DNAH7: variants seen among roughly 807,000 people sequenced by gnomAD.
DNAH7 encodes dynein axonemal heavy chain 7.
In DNAH7, 397 loss-of-function variants were observed where a neutral mutation model predicts 444.6. That is an observed-to-expected ratio of 0.89 (90% CI 0.82 to 0.97). The LOEUF is 0.97. DNAH7 is among the 50% of genes least tolerant of loss of function. DNAH7 has a pLI of 0.00. For synonymous variants in DNAH7, 1,636 were observed against 1,624.4 expected (o/e 1.01, Z -0.17); for missense variants, 4,902 against 4,800.8 (o/e 1.02, Z -0.62).
At chr2:195,754,248 T>C (rs1486903196) in intron 63 of DNAH7, 89 bp downstream of exon 63, 1 of 1,352,242 alleles carries the variant, frequency 7.4e-7, no homozygotes, top group African/African-American at 1.5e-5. Flanking sequence ...TGTTTATTAC[T>C]TTTTTAACAG....
At chr2:195,849,295 A>G (rs930606841) in intron 46 of DNAH7, among the ~76,000 whole-genome samples, 1 of 152,310 alleles carries the variant, frequency 6.6e-6, no homozygotes, top group South Asian at 2.1e-4. Context: ...CTTACAGTGA[A>G]GTCCAAGATA....
At chr2:195,785,646 G>T (rs1695583355) in intron 58 of DNAH7, among the ~76,000 whole-genome samples, 1 of 138,828 alleles carries the variant, frequency 7.2e-6, no homozygotes, top group Non-Finnish European at 1.6e-5. Context: ...TTTTTCAGAT[G>T]TTTTTTCTGC....
At chr2:195,934,883 C>A (rs554002318) in intron 20 of DNAH7, 94 bp from the exon 21 acceptor site, 268 of 1,356,984 alleles carry the variant, frequency 2.0e-4, no homozygotes, top group Non-Finnish European at 2.6e-4. Context: ...ATGCTAGGTG[C>A]TGCTGGGAAT....
At chr2:195,787,902 G>C (rs1006935981) in intron 57 of DNAH7, among the ~76,000 whole-genome samples, 1 of 152,064 alleles carries the variant, frequency 6.6e-6, no homozygotes, top group Non-Finnish European at 1.5e-5. Context: ...GGGAGCTGGG[G>C]GTCATTTTAA....
intron 29 of DNAH7, among the ~76,000 whole-genome samples, chr2:195,896,539 T>C (rs959707447): frequency 2.6e-5 from 4 of 152,236 alleles, no homozygotes; most frequent in African/African-American, 9.6e-5. Context: ...TCCTGACTTC[T>C]AGTTCAAAAA....
At chr2:195,815,862 G>A (rs1697191337) in intron 51 of DNAH7, among the ~76,000 whole-genome samples, 1 of 152,096 alleles carries the variant, frequency 6.6e-6, no homozygotes. Context: ...GCATGGTGGT[G>A]GGTGCCTGTA....
At chr2:195,937,958 T>C (rs1401912117) in intron 19 of DNAH7, among the ~76,000 whole-genome samples, 1 of 152,152 alleles carries the variant, frequency 6.6e-6, no homozygotes, top group Non-Finnish European at 1.5e-5. Flanking sequence ...AAGAGAATAT[T>C]GTTAAAAACT....
intron 46 of DNAH7, among the ~76,000 whole-genome samples, chr2:195,852,601 A>T (rs1480330317): frequency 6.6e-6 from 1 of 152,120 alleles, no homozygotes; most frequent in African/African-American, 2.4e-5. Context: ...AGAGCTGAAT[A>T]GTATGTTGGG....
At chr2:196,008,104 C>A in intron 10 of DNAH7, among the ~76,000 whole-genome samples, 1 of 151,466 alleles carries the variant, frequency 6.6e-6, no homozygotes, top group South Asian at 2.1e-4. Flanking sequence ...ATCAGACAAC[C>A]CAGTAGAAAA....
intron 15 of DNAH7, among the ~76,000 whole-genome samples, chr2:195,973,621 C>T (rs1042505859): frequency 6.6e-6 from 1 of 152,068 alleles, no homozygotes. Context: ...CAGGCATGTG[C>T]TAGGTTGTTT....
intron 19 of DNAH7, among the ~76,000 whole-genome samples, chr2:195,946,859 G>A (rs968460912): frequency 3.3e-5 from 5 of 151,976 alleles, no homozygotes; most frequent in Non-Finnish European, 7.4e-5. Flanking sequence ...CTGTGGGGAA[G>A]AGGAGAGCTC....
At chr2:195,880,996 T>G (rs1701344083) in intron 36 of DNAH7, among the ~76,000 whole-genome samples, 1 of 146,670 alleles carries the variant, frequency 6.8e-6, no homozygotes. Context: ...CACTTTTAGT[T>G]TTTTTTTTTT....
intron 12 of DNAH7, among the ~76,000 whole-genome samples, chr2:195,988,628 C>T (rs966737148): frequency 5.9e-5 from 9 of 151,964 alleles, no homozygotes; most frequent in Non-Finnish European, 1.0e-4. Flanking sequence ...GTGTATTGAT[C>T]AAATCAACAT....
chr2:195,809,744 CCG>C lies in DNAH7; in HGVS notation c.9887_9888del (p.Ala3296AspfsTer2), dbSNP rs1696875744. 1 of 1,579,292 alleles carries C rather than the reference CCG, an allele frequency of 6.3e-7. No individual in the cohort carries two copies. The highest frequency in any genetic ancestry group is 2.3e-5 in the East Asian group (1 of 43,578). The stretch of plus-strand genomic sequence containing the variant: ...TTCTTACAAATGAAAACAGTACTGA[CCG>C]CCCGCTCATGCAGCAGTAGATTTAT... ...LTINLLLHER[A>X]INKAEWRFLL... On this transcript the variant is annotated frameshift_variant and splice_region_variant, in exon 52 of 65. Coordinates refer to ENST00000312428, the MANE Select transcript of DNAH7 (RefSeq NM_018897.3). LOFTEE classifies it high-confidence loss of function.
chr2:195,841,111 C>T (rs1698655735), intron 47 of DNAH7, among the ~76,000 whole-genome samples: 1 of 151,806 alleles, frequency 6.6e-6, no homozygotes, highest in South Asian at 2.1e-4. Flanking sequence ...GCAACAAACC[C>T]ACATGCATGT....
intron 25 of DNAH7, 87 bp from the exon 26 acceptor site, chr2:195,907,096 G>A: frequency 1.0e-6 from 1 of 1,001,356 alleles, no homozygotes; most frequent in Non-Finnish European, 1.5e-6. Context: ...TCTTTTCAAG[G>A]ATTTAATATC....
intron 22 of DNAH7, 129 bp downstream of exon 22, chr2:195,926,297 A>C: frequency 1.2e-6 from 1 of 821,732 alleles, no homozygotes; most frequent in Non-Finnish European, 1.7e-6. Flanking sequence ...AAAATCTGTA[A>C]TTTGGCTTGC....
chr2:195,775,767 G>A (rs201897363), intron 60 of DNAH7, 79 bp downstream of exon 60: 85 of 1,449,708 alleles, frequency 5.9e-5, no homozygotes, highest in Non-Finnish European at 7.7e-5. Flanking sequence ...GTGTAAGGAA[G>A]CCTGTTCAGT....
chr2:195,856,637 C>A (rs1462286), intron 44 of DNAH7, among the ~76,000 whole-genome samples: 29,885 of 151,938 alleles, frequency 0.2, 4,259 homozygotes, highest in African/African-American at 0.4. Context: ...ATAATAATTA[C>A]CCTGTTTTGC....
Sources: gnomAD v4.1 joint callset for allele counts (sites outside exome capture counted in the v4.1 genomes callset) on GRCh38, gnomAD v4.1.1 for gene constraint, MANE v1.5 for transcripts, NCBI Gene and HGNC (gene_info 2026-07-23, HGNC 2026-07-21) for gene names.